ZZEF1: variants seen among roughly 807,000 people sequenced by gnomAD.
The protein encoded by ZZEF1 is zinc finger ZZ-type and EF-hand domain containing 1.
ZZEF1 carries 157 observed loss-of-function variants against 342.8 expected under a neutral mutation model. The ratio of observed to expected loss-of-function variants is 0.46; its 90% CI spans 0.40 to 0.52. ZZEF1 has a LOEUF of 0.52. ZZEF1 is among the 20% of genes least tolerant of loss of function. The pLI is 0.00. For synonymous variants in ZZEF1, 1,505 were observed against 1,429.1 expected, an observed-to-expected ratio of 1.05 and a Z score of -1.20; for missense variants, 3,480 against 3,725.6, an observed-to-expected ratio of 0.93 and a Z score of 1.72.
rs2055804543 is a variant in ZZEF1 at position 4,006,559 on chromosome 17, G to C, written c.*331C>G. 2 of 358,260 alleles carry C rather than the reference G, an allele frequency of 5.6e-6. No individual in the cohort carries two copies. Among genetic ancestry groups the C allele is most frequent in the Non-Finnish European group, 1.0e-5 (2 of 190,540 alleles). 22.2% of individuals were successfully genotyped at this position (358,260 alleles called of 1,614,324 possible). A position where few individuals can be genotyped will look rare whatever the true frequency, so the allele number is the denominator to read the frequency against. ...CCACGGAGACAGAAACCAGTTGAGAGAGGCCGCTTCCAAGTCTTCCCAGGC... is the reference window on the plus strand; with the variant it reads ...CCACGGAGACAGAAACCAGTTGAGACAGGCCGCTTCCAAGTCTTCCCAGGC... On this transcript the variant is annotated 3_prime_UTR_variant, in exon 55 of 55. Transcript: ENST00000381638.
rs756936654 is a variant in ZZEF1 at position 4,067,227 on chromosome 17, T to C, written c.4091A>G (p.Lys1364Arg). The C allele has an allele frequency of 2.5e-6, 4 of 1,613,352 alleles. No homozygotes were observed. The highest frequency in any genetic ancestry group is 1.7e-5 in the Admixed American group (1 of 59,836). Reference protein sequence around the residue: ...KLQKYVNSGGKIALSEEFAQV... With the variant: ...KLQKYVNSGGRIALSEEFAQV... Reference sequence around the variant, plus strand: ...GGCAAACTCTTCACTCAGGGCTATTTTGCCCCCACTGTTGACTGGGGAGAG... The same window carrying C: ...GGCAAACTCTTCACTCAGGGCTATTCTGCCCCCACTGTTGACTGGGGAGAG... The change falls in exon 27 of 55, where the codon AAA becomes AGA. Residue 1364 changes from lysine to arginine, a missense_variant. Lys to Arg is a conservative substitution (Grantham distance 26). Around this residue, in one of 5 missense-constraint regions of ZZEF1, gnomAD observed 1,528 missense variants for 1,624.1 expected, o/e 0.94. Transcript: ENST00000381638.
rs2056106853 is a variant in ZZEF1, at chr17:4,016,548, C to T, written c.8002-82G>A. 5 of 1,500,970 alleles carry T rather than the reference C, an allele frequency of 3.3e-6. No homozygotes were observed. Among genetic ancestry groups the T allele is most frequent in the South Asian group, 1.3e-5 (1 of 76,142 alleles). 93.0% of individuals were successfully genotyped at this position (1,500,970 alleles called of 1,614,324 possible). ...ACAGTTTACTTCAACCCAAGCTCCA[C>T]CCAAAGGTGCTGGCATCATCTTAGA... On this transcript the variant is annotated intron_variant, in intron 48 of 54. Coordinates refer to ENST00000381638, the MANE Select transcript of ZZEF1 (RefSeq NM_015113.4). The surrounding 1 kb of genome is among the most constrained non-coding windows in gnomAD (Gnocchi z 4.4).
intron 37 of ZZEF1, among the ~76,000 whole-genome samples, chr17:4,049,379 G>A (rs1243930715): frequency 1.3e-5 from 2 of 152,112 alleles, no homozygotes; most frequent in Non-Finnish European, 2.9e-5. Flanking sequence ...AGGCATGGTA[G>A]CACATGCCTG....
At position 4,062,820 on chromosome 17, in the gene ZZEF1, G is replaced by T; in HGVS notation, c.4816C>A (p.His1606Asn). ...AGTATGAAAGGTGGATGGAAGCAGT[G>T]GGGCTGCCCAAGGGATTCTGCACAG... The part of the protein sequence containing the change: ...QHCAESLGQP[H>N]CFHPPFILFL... The change falls in exon 30 of 55, where the codon CAC becomes AAC. Residue 1606 changes from histidine (H) to asparagine (N), a missense_variant. Physicochemically the swap from His to Asn is moderately conservative, Grantham distance 68. Coordinates refer to ENST00000381638, the MANE Select transcript of ZZEF1 (RefSeq NM_015113.4). 6.2e-7 allele frequency: 1 copy of T among 1,613,540 alleles called. No individual in the cohort carries two copies. Among genetic ancestry groups the T allele is most frequent in the Non-Finnish European group, 8.5e-7 (1 of 1,179,754 alleles).
At chr17:4,099,488 T>C (rs912900248) in intron 9 of ZZEF1, among the ~76,000 whole-genome samples, 12 of 151,426 alleles carry the variant, frequency 7.9e-5, no homozygotes, top group Admixed American at 2.0e-4. Context: ...TCCCAAAGTG[T>C]CGGGGTTACA....
At chr17:4,101,548 T>C (rs2058126806) in intron 9 of ZZEF1, among the ~76,000 whole-genome samples, 2 of 152,218 alleles carry the variant, frequency 1.3e-5, no homozygotes, top group South Asian at 4.1e-4. Context: ...GCAATTATTA[T>C]GTTGACACTA....
intron 21 of ZZEF1, 109 bp downstream of exon 21, chr17:4,076,528 T>C (rs2057624258): frequency 1.9e-5 from 27 of 1,405,330 alleles, no homozygotes; most frequent in Non-Finnish European, 2.6e-5. Flanking sequence ...GGGAGCCTTC[T>C]AGAGGCTGCT....
chr17:4,013,666 A>G (rs749229252), intron 51 of ZZEF1, 52 bp from the exon 52 acceptor site: 1 of 1,491,912 alleles, frequency 6.7e-7, no homozygotes, highest in Non-Finnish European at 9.0e-7. Flanking sequence ...GTAATAAGTA[A>G]TATTATTATT....
At chr17:4,081,305 A>T in intron 18 of ZZEF1, 71 bp downstream of exon 18, 1 of 1,262,676 alleles carries the variant, frequency 7.9e-7, no homozygotes, top group Non-Finnish European at 1.2e-6. Context: ...AAAGGGGGGC[A>T]CAAGAGACTG....
intron 1 of ZZEF1, among the ~76,000 whole-genome samples, chr17:4,129,361 A>G (rs1347592013): frequency 6.6e-6 from 1 of 152,228 alleles, no homozygotes; most frequent in Non-Finnish European, 1.5e-5. Context: ...CATTTGACCC[A>G]GCAATCCCAT....
At chr17:4,109,216 A>G (rs1483380397) in intron 6 of ZZEF1, among the ~76,000 whole-genome samples, 5 of 152,212 alleles carry the variant, frequency 3.3e-5, no homozygotes, top group African/African-American at 1.2e-4. Context: ...CGTCTATAAA[A>G]TGGGGTGATT....
intron 3 of ZZEF1, among the ~76,000 whole-genome samples, chr17:4,116,698 T>C (rs973315565): frequency 6.6e-6 from 1 of 152,166 alleles, no homozygotes; most frequent in Non-Finnish European, 1.5e-5. Flanking sequence ...CCTGCAAAGG[T>C]GACCCTGACC....
At chr17:4,108,081 G>A (rs1010713271) in intron 6 of ZZEF1, among the ~76,000 whole-genome samples, 1 of 152,118 alleles carries the variant, frequency 6.6e-6, no homozygotes, top group Non-Finnish European at 1.5e-5. Flanking sequence ...GTTTTGATGA[G>A]GAATACGATA....
rs1416435276 is a variant in ZZEF1 at position 4,014,087 on chromosome 17, C to CGT, written c.8413+2_8413+3insAC. 1 of 1,613,992 alleles carries CGT rather than the reference C, an allele frequency of 6.2e-7. No homozygotes were observed. Among genetic ancestry groups the CGT allele is most frequent in the Non-Finnish European group, 8.5e-7 (1 of 1,179,942 alleles). On this transcript the variant is annotated splice_region_variant and intron_variant, in intron 51 of 54. Coordinates refer to ENST00000381638, the MANE Select transcript of ZZEF1 (RefSeq NM_015113.4). This position sits in a 1 kb window ranked among gnomAD's most constrained non-coding sequence, Gnocchi z 4.4. ...GTGTGAACGCAAAGCCCAGAGCACA[C>CGT]ACCTGTCTGGAACCGCCCCAGGTGT... is the stretch of plus-strand genomic sequence containing the variant.
rs1198893287 is a variant in ZZEF1, at chr17:4,073,972, CA to C, written c.3685+177del. On this transcript the variant is annotated intron_variant, in intron 24 of 54. Transcript: ENST00000381638. ...TCCTGCTATGTTCCAAAGTCTAAGG[CA>C]AAAAGCTTCGTGACAATGGTATTGA... Among the ~76,000 whole-genome samples the C allele has an allele frequency of 3.3e-5, 5 of 152,152 alleles. No individual in the cohort carries two copies. In the South Asian group the frequency reaches 1.0e-3, roughly 32 times the overall value.
rs775253513 is a variant in ZZEF1 at position 4,009,647 on chromosome 17, C to T, written c.8690G>A (p.Arg2897His). 28 of 1,613,810 alleles carry T rather than the reference C, an allele frequency of 1.7e-5. No individual in the cohort carries two copies. The highest frequency in any genetic ancestry group is 4.4e-5 in the South Asian group (4 of 91,060). ...TQPGILLPLHRALTELFFVTE... is the reference protein window; with the variant it reads ...TQPGILLPLHHALTELFFVTE... ...GACGAAGAAGAGCTCAGTGAGGGCA[C>T]GATGCAGGGGAAGGAGGATGCCGGG... Residue 2897 changes from arginine to histidine, a missense_variant, in exon 53 of 55, where the codon CGT becomes CAT. This residue lies in a region of ZZEF1 where 1,269 missense variants were observed against 1,342.4 expected (regional missense o/e 0.95). Coordinates refer to ENST00000381638, the MANE Select transcript of ZZEF1 (RefSeq NM_015113.4).
intron 33 of ZZEF1, among the ~76,000 whole-genome samples, chr17:4,054,997 G>A (rs2057126638): frequency 6.6e-6 from 1 of 152,186 alleles, no homozygotes; most frequent in African/African-American, 2.4e-5. Context: ...TGGGTACGTG[G>A]TTGGACGATG....
chr17:4,080,880 C>A (rs1014356592), intron 18 of ZZEF1, among the ~76,000 whole-genome samples: 3 of 152,150 alleles, frequency 2.0e-5, no homozygotes, highest in Non-Finnish European at 4.4e-5. Context: ...CCGTAACATG[C>A]CCTCACTCGT....
At chr17:4,031,991 G>A in intron 42 of ZZEF1, 135 bp downstream of exon 42, 1 of 906,466 alleles carries the variant, frequency 1.1e-6, no homozygotes, top group Non-Finnish European at 1.6e-6. Flanking sequence ...GGAAAAAGAA[G>A]CTCGGGGAGC....
Sources: allele counts gnomAD v4.1 joint callset (sites outside exome capture counted in the v4.1 genomes callset), GRCh38; gene constraint gnomAD v4.1.1; regional missense constraint gnomAD v4.1.1; non-coding constraint Gnocchi (gnomAD v3.1); transcripts MANE v1.5; gene names NCBI Gene and HGNC (gene_info 2026-07-23, HGNC 2026-07-21).